Variants in MCCC1 observed in about 807,000 individuals in gnomAD.
The protein encoded by MCCC1 is methylcrotonoyl-CoA carboxylase subunit alpha, mitochondrial.
A neutral mutation model predicts 83.8 loss-of-function variants in MCCC1; 64 were observed. The ratio of observed to expected loss-of-function variants is 0.76; its 90% confidence interval spans 0.62 to 0.94. MCCC1 has a LOEUF of 0.94. Ranked by LOEUF, MCCC1 falls within the 40% of genes least tolerant of loss-of-function variation. MCCC1 has a pLI of 0.00. For synonymous variants in MCCC1, 322 were observed against 315.4 expected, an observed-to-expected ratio of 1.02 and a Z score of -0.22; for missense variants, 807 against 904.7, an observed-to-expected ratio of 0.89 and a Z score of 1.39.
At chr3:183,020,316 G>A in intron 16 of MCCC1, 79 bp from the exon 17 acceptor site, 1 of 1,161,290 alleles carries the variant, frequency 8.6e-7, no homozygotes, top group Non-Finnish European at 1.3e-6. Context: ...GGTAATAATT[G>A]TTTCCCAGCA....
chr3:183,074,710 C>A (rs1995427), intron 4 of MCCC1, among the ~76,000 whole-genome samples: 134,897 of 152,226 alleles, frequency 0.89, 60,319 homozygotes, highest in East Asian at 1. Flanking sequence ...TCTTTTAAAC[C>A]AAAGTTCAAT....
At chr3:183,100,752 C>T (rs955713444), upstream of MCCC1, among the ~76,000 whole-genome samples, 2 of 152,244 alleles carry the variant, frequency 1.3e-5, no homozygotes, top group African/African-American at 2.4e-5. Context: ...TCAGAACCCT[C>T]GCTTGCTCTC....
chr3:183,061,011 A>C (rs1369702328), intron 7 of MCCC1, among the ~76,000 whole-genome samples: 3 of 152,166 alleles, frequency 2.0e-5, no homozygotes, highest in Non-Finnish European at 2.9e-5. Flanking sequence ...CGCTCACTGA[A>C]GCCAATTCCA....
rs1314006905 is a variant in MCCC1 at position 183,039,015 on chromosome 3, AG to A, written c.1377+10del. The A allele has an allele frequency of 6.2e-7, 1 of 1,612,552 alleles. No homozygotes were observed. The highest frequency in any genetic ancestry group is 1.3e-5 in the African/African-American group (1 of 75,022). ...ACATCAAGGTCACTGGCACGGTCTCAGATCACTCACATTGTACTGACGAAGG... is the reference window on the plus strand; with the variant it reads ...ACATCAAGGTCACTGGCACGGTCTCAATCACTCACATTGTACTGACGAAGG... On this transcript the variant is annotated intron_variant, in intron 12 of 18. Coordinates refer to ENST00000265594, the MANE Select transcript of MCCC1 (RefSeq NM_020166.5).
intron 1 of MCCC1, among the ~76,000 whole-genome samples, chr3:183,107,595 T>G (rs997031946): frequency 6.6e-6 from 1 of 151,840 alleles, no homozygotes; most frequent in South Asian, 2.1e-4. Context: ...CAGGCTGGAG[T>G]GCAGTGGTGT....
At chr3:183,085,234 C>A (rs1717805970) in intron 4 of MCCC1, among the ~76,000 whole-genome samples, 1 of 151,920 alleles carries the variant, frequency 6.6e-6, no homozygotes, top group Admixed American at 6.6e-5. Context: ...CTACCTTTGC[C>A]CCCACTTCAA....
Position 183,086,767 on chromosome 3 carries a change from C to T in MCCC1, c.295G>A (p.Gly99Ser), listed in dbSNP as rs375244642. ...TAGCTCTGCTGGGAGGGAGCGGGGC[C>T]GATGGAATATGCTTCATCTGCCTGT... ...VDMADEAYSI[G>S]PAPSQQSYLS... The change falls in exon 4 of 19, where the codon GGC becomes AGC. Residue 99 changes from glycine to serine, a missense_variant. Transcript: ENST00000265594. The T allele has an allele frequency of 2.7e-5, 43 of 1,613,918 alleles. No individual in the cohort carries two copies. The highest frequency in any genetic ancestry group is 4.5e-5 in the East Asian group (2 of 44,894).
chr3:183,054,594 A>C (rs528853128), intron 8 of MCCC1, among the ~76,000 whole-genome samples: 5 of 152,282 alleles, frequency 3.3e-5, no homozygotes, highest in African/African-American at 1.2e-4. Context: ...TAAAGCAAAA[A>C]AGTTATAGCA....
intron 1 of MCCC1, among the ~76,000 whole-genome samples, chr3:183,108,238 C>T (rs916965348): frequency 6.6e-6 from 1 of 152,126 alleles, no homozygotes; most frequent in Non-Finnish European, 1.5e-5. Flanking sequence ...AAACTGTGGC[C>T]TCCAATTTTA....
rs561792831 is a variant in MCCC1 at position 183,085,118 on chromosome 3, G to A, written c.369+1575C>T. On this transcript the variant is annotated intron_variant, in intron 4 of 18. Coordinates refer to ENST00000265594, the MANE Select transcript of MCCC1 (RefSeq NM_020166.5). ...AATGCGGAATGATCAATGTGCTAGAGGAGACAACGAAGAATTTCTAAGGAG... is the reference window on the plus strand; with the variant it reads ...AATGCGGAATGATCAATGTGCTAGAAGAGACAACGAAGAATTTCTAAGGAG... Among the ~76,000 whole-genome samples, 154 of 152,242 alleles carry A rather than the reference G, an allele frequency of 1.0e-3. 1 individual carries two copies. Among genetic ancestry groups the A allele is most frequent in the African/African-American group, 3.5e-3 (144 of 41,534 alleles).
intron 4 of MCCC1, among the ~76,000 whole-genome samples, chr3:183,082,993 A>T (rs1717624761): frequency 6.6e-6 from 1 of 152,158 alleles, no homozygotes; most frequent in Admixed American, 6.5e-5. Flanking sequence ...ACGTCTTAAA[A>T]AAAAAAGGCT....
chr3:183,020,967 G>A (rs1712115768), intron 16 of MCCC1, among the ~76,000 whole-genome samples: 1 of 152,168 alleles, frequency 6.6e-6, no homozygotes, highest in African/African-American at 2.4e-5. Context: ...GGCTGAGGCA[G>A]GAGAATGGAG....
intron 7 of MCCC1, among the ~76,000 whole-genome samples, chr3:183,065,385 G>A (rs1296554308): frequency 2.6e-5 from 4 of 152,150 alleles, no homozygotes; most frequent in Non-Finnish European, 4.4e-5. Flanking sequence ...ATTTATATGT[G>A]TTGTGTGTGT....
rs138480247 is a variant in MCCC1, at chr3:183,022,494, G to T, written c.1792C>A (p.Leu598Met). The T allele has an allele frequency of 2.3e-4, 378 of 1,613,934 alleles. 1 individual carries two copies. The African/African-American group carries it at 2.4e-3, about 10-fold the overall frequency. The change falls in exon 16 of 19, where the codon CTG (leucine) becomes ATG (methionine). Residue 598 changes from leucine (L) to methionine (M), a missense_variant. Physicochemically the swap from Leu to Met is conservative, Grantham distance 15 (BLOSUM62 2). Transcript: ENST00000265594. Reference protein sequence around the residue: ...NLYSEGDCTYLKCSVNGVASK... With the variant: ...NLYSEGDCTYMKCSVNGVASK... ...GCAACTCCATTAACAGAACATTTCA[G>T]GTAAGTGCAGTCTCCCTCGCTGTAA... is the stretch of plus-strand genomic sequence containing the variant.
At position 183,092,443 on chromosome 3, in the gene MCCC1, C is replaced by T. The variant is rs774565207; in HGVS notation, c.239G>A (p.Ser80Asn). 9.9e-6 allele frequency: 16 copies of T among 1,614,224 alleles called. No homozygotes were observed. The South Asian group carries it at 1.3e-4, about 13-fold the overall frequency. Residue 80 changes from serine (S) to asparagine (N), a missense_variant, in exon 3 of 19, where the codon AGT becomes AAT. Physicochemically the swap from Ser to Asn is conservative, Grantham distance 46. Transcript: ENST00000265594. ...ATGCATGGAATTTCTGTCAGCCTCACTATAAACCGCCACAGTCTGTACACC... is the reference window on the plus strand; with the variant it reads ...ATGCATGGAATTTCTGTCAGCCTCATTATAAACCGCCACAGTCTGTACACC... Reference protein sequence around the residue: ...KLGVQTVAVYSEADRNSMHVD... With the variant: ...KLGVQTVAVYNEADRNSMHVD...
At position 183,057,609 on chromosome 3, in the gene MCCC1, C is replaced by T. The variant is rs7646991; in HGVS notation, c.762-187G>A. 0.9 allele frequency among the ~76,000 whole-genome samples: 136,315 copies of T among 152,252 alleles called. 61,412 individuals are homozygous for T. The highest frequency in any genetic ancestry group is 1 in the East Asian group (5,188 of 5,188). ...AAAAAGAACCACAGGCCAAATGAGA[C>T]GGCTCATGCCCGTAATCCCAGCACT... is the stretch of plus-strand genomic sequence containing the variant. On this transcript the variant is annotated intron_variant, in intron 7 of 18. Coordinates refer to ENST00000265594, the MANE Select transcript of MCCC1 (RefSeq NM_020166.5).
intron 1 of MCCC1, among the ~76,000 whole-genome samples, chr3:183,109,936 A>G (rs1207271609): frequency 6.6e-6 from 1 of 152,110 alleles, no homozygotes; most frequent in Admixed American, 6.5e-5. Flanking sequence ...ACTTTTTAAT[A>G]ATGGCCATTC....
At chr3:183,053,083 G>A (rs564343164) in intron 8 of MCCC1, among the ~76,000 whole-genome samples, 1 of 152,174 alleles carries the variant, frequency 6.6e-6, no homozygotes, top group Non-Finnish European at 1.5e-5. Context: ...GGGACAAGAT[G>A]TGGAGAAAAG....
At chr3:183,053,543 A>C (rs941734923) in intron 8 of MCCC1, among the ~76,000 whole-genome samples, 3 of 152,004 alleles carry the variant, frequency 2.0e-5, no homozygotes, top group African/African-American at 7.2e-5. Flanking sequence ...ACGGTGGCTC[A>C]TGCCTGTAAT....
Sources: allele counts gnomAD v4.1 joint callset (sites outside exome capture counted in the v4.1 genomes callset), GRCh38; gene constraint gnomAD v4.1.1; transcripts MANE v1.5; gene names NCBI Gene and HGNC (gene_info 2026-07-23, HGNC 2026-07-21).